GALNT9: variants seen among roughly 807,000 people sequenced by gnomAD.
The protein encoded by GALNT9 is polypeptide N-acetylgalactosaminyltransferase 9.
In GALNT9, 47 loss-of-function variants were observed where a neutral mutation model predicts 63.1. The observed-to-expected ratio is 0.75, with a 90% CI of 0.59 to 0.95. The LOEUF (loss-of-function observed/expected upper bound fraction) is 0.95, where lower values mean the gene tolerates loss of function less well. Ranked by LOEUF, GALNT9 falls within the 40% of genes least tolerant of loss-of-function variation. GALNT9 has a pLI of 0.00. For missense variants in GALNT9, 829 were observed against 874.8 expected (o/e 0.95, Z 0.66); for synonymous variants, 396 against 365.7 (o/e 1.08, Z -0.94).
intron 6 of GALNT9, among the ~76,000 whole-genome samples, chr12:132,230,539 C>A (rs1463075228): frequency 1.3e-5 from 2 of 151,616 alleles, no homozygotes. Flanking sequence ...CGCTGCCTGG[C>A]CCTCGTGGCG....
intron 9 of GALNT9, among the ~76,000 whole-genome samples, 159 bp downstream of exon 9, chr12:132,199,015 T>A (rs938297319): frequency 6.6e-6 from 1 of 151,960 alleles, no homozygotes; most frequent in Non-Finnish European, 1.5e-5. Flanking sequence ...AGGCCTCTTC[T>A]AGAGGGGCCC....
At chr12:132,221,651 A>T (rs1177613858) in intron 6 of GALNT9, among the ~76,000 whole-genome samples, 1 of 82,856 alleles carries the variant, frequency 1.2e-5, no homozygotes, top group Non-Finnish European at 2.3e-5. Flanking sequence ...ACAGAGTGAG[A>T]CGTTCTCAAA....
intron 1 of GALNT9, among the ~76,000 whole-genome samples, chr12:132,299,648 C>A (rs1881216599): frequency 7.2e-6 from 1 of 138,498 alleles, no homozygotes; most frequent in Non-Finnish European, 1.6e-5. Flanking sequence ...TGAGATAACT[C>A]ACTCCCATAA....
intron 6 of GALNT9, among the ~76,000 whole-genome samples, chr12:132,219,456 C>T (rs1877347341): frequency 6.6e-6 from 1 of 152,148 alleles, no homozygotes; most frequent in Non-Finnish European, 1.5e-5. Flanking sequence ...CTCTGGGGAC[C>T]ATCGGCGGGA....
chr12:132,272,033 G>A (rs569901951), intron 2 of GALNT9, among the ~76,000 whole-genome samples: 7 of 152,288 alleles, frequency 4.6e-5, no homozygotes, highest in South Asian at 4.2e-4. Flanking sequence ...GCTCGAGGGC[G>A]GGGGGAGGAG....
chr12:132,328,681 G>T (rs1235837876), intron 1 of GALNT9, among the ~76,000 whole-genome samples: 5 of 152,208 alleles, frequency 3.3e-5, no homozygotes, highest in African/African-American at 9.6e-5. Context: ...CAGCTCCAAA[G>T]ATCCTCTGCA....
chr12:132,278,424 C>T (rs575528163), intron 2 of GALNT9: 77 of 152,388 alleles, frequency 5.1e-4, no homozygotes, highest in Non-Finnish European at 1.0e-3. Flanking sequence ...CCACAGCCCC[C>T]GCCCGGGAGG....
chr12:132,218,183 G>T (rs1017720454), intron 6 of GALNT9, among the ~76,000 whole-genome samples: 11 of 152,308 alleles, frequency 7.2e-5, no homozygotes, highest in East Asian at 3.9e-4. Context: ...CCTAGAACCA[G>T]CATGACTCTG....
chr12:132,324,056 T>C (rs1868922046), intron 1 of GALNT9, among the ~76,000 whole-genome samples: 1 of 152,230 alleles, frequency 6.6e-6, no homozygotes, highest in Non-Finnish European at 1.5e-5. Flanking sequence ...CAGGAGCCAT[T>C]TGGGAAATAA....
chr12:132,266,702 C>T (rs888432528), intron 2 of GALNT9, among the ~76,000 whole-genome samples: 2 of 152,224 alleles, frequency 1.3e-5, no homozygotes, highest in African/African-American at 4.8e-5. Context: ...TGGAAGCCAC[C>T]TGCTTGTGGC....
At chr12:132,215,272 C>A (rs1482336034) in intron 6 of GALNT9, among the ~76,000 whole-genome samples, 3 of 152,268 alleles carry the variant, frequency 2.0e-5, no homozygotes, top group Admixed American at 2.0e-4. Context: ...AAAAGTACTT[C>A]CTCGCACACC....
rs769224342 is a variant in GALNT9 at position 132,201,198 on chromosome 12, G to A, written c.1327C>T (p.Arg443Cys). Residue 443 changes from arginine to cysteine, a missense_variant, in exon 8 of 11, where the codon CGC (arginine) becomes TGC (cysteine). By Grantham distance (180) the Arg-to-Cys change is radical (BLOSUM62 -3). Transcript: ENST00000328957. ...TTCTCCAGGTACCACTTGAAGCTGC[G>A]ACACTTCAGCCTCTGACGCAGGGCC... ...RLALRQRLKC[R>C]SFKWYLENVY... is the part of the protein sequence containing the mutation. The A allele has an allele frequency of 3.1e-6, 5 of 1,612,976 alleles. No individual in the cohort carries two copies. The highest frequency in any genetic ancestry group is 2.2e-5 in the East Asian group (1 of 44,876).
intron 6 of GALNT9, among the ~76,000 whole-genome samples, chr12:132,213,605 A>T (rs944807938): frequency 1.3e-5 from 2 of 151,854 alleles, no homozygotes; most frequent in Non-Finnish European, 2.9e-5. Context: ...ACACACACTC[A>T]CACACATGTG....
At chr12:132,299,323 G>T (rs1023720009) in intron 1 of GALNT9, among the ~76,000 whole-genome samples, 2 of 137,772 alleles carry the variant, frequency 1.5e-5, no homozygotes, top group Admixed American at 7.2e-5. Context: ...CCATCCCTGA[G>T]ATAACCAAGC....
intron 1 of GALNT9, among the ~76,000 whole-genome samples, chr12:132,287,250 G>A (rs1271968767): frequency 2.0e-5 from 3 of 152,240 alleles, no homozygotes; most frequent in Non-Finnish European, 2.9e-5. Flanking sequence ...ACGCCCAGGC[G>A]CTGTGCCTGC....
At chr12:132,261,344 AACAC>A (rs1555239768) in intron 3 of GALNT9, among the ~76,000 whole-genome samples, 1 of 152,178 alleles carries the variant, frequency 6.6e-6, no homozygotes, top group African/African-American at 2.4e-5. Flanking sequence ...CAAATAAGGA[AACAC>A]ACCAGACAGA....
rs527497352 is a variant in GALNT9 at position 132,302,521 on chromosome 12, A to G, written c.239-16091T>C. ...CGTGCCATTTATTCACCCATCCATT[A>G]TCAAAACTCACGGAGCGTCTGCTAA... On this transcript the variant is annotated intron_variant, in intron 1 of 10. Transcript: ENST00000328957. Among the ~76,000 whole-genome samples, 17 of 152,340 alleles carry G rather than the reference A, an allele frequency of 1.1e-4. No homozygotes were observed. The South Asian group carries it at 2.9e-3, about 26-fold the overall frequency.
At chr12:132,303,417 G>GCACAGCCTCACCCAGA (rs1881395238) in intron 1 of GALNT9, among the ~76,000 whole-genome samples, 1 of 105,110 alleles carries the variant, frequency 9.5e-6, no homozygotes, top group Admixed American at 1.1e-4. Flanking sequence ...CCTCACCCGG[G>GCACAGCCTCACCCAGA]CACAGCCTCG....
rs1413903535 is a variant in GALNT9 at position 132,246,236 on chromosome 12, T to A, written c.1077+1674A>T. Among the ~76,000 whole-genome samples the A allele has an allele frequency of 2.0e-5, 3 of 152,252 alleles. No individual in the cohort carries two copies. Among genetic ancestry groups the A allele is most frequent in the African/African-American group, 7.2e-5 (3 of 41,460 alleles). On this transcript the variant is annotated intron_variant, in intron 6 of 10. Coordinates refer to ENST00000328957, the MANE Select transcript of GALNT9 (RefSeq NM_001122636.2). The surrounding 1 kb of genome is among the most constrained non-coding windows in gnomAD (Gnocchi z 4.7). ...CCAGATTAACTTCCAGCTTCCATTT[T>A]AAAAATGTGTAATTGAGGATTGATT...
Sources: gnomAD v4.1 joint callset for allele counts (sites outside exome capture counted in the v4.1 genomes callset) on GRCh38, gnomAD v4.1.1 for gene constraint, Gnocchi (gnomAD v3.1) non-coding constraint, MANE v1.5 for transcripts, NCBI Gene and HGNC (gene_info 2026-07-23, HGNC 2026-07-21) for gene names.